The following MYO6 variants were observed in gnomAD, a reference collection of about 807,000 sequenced individuals.
MYO6 encodes unconventional myosin-VI.
Under a neutral mutation model 178.7 loss-of-function variants are expected in MYO6, and 74 were observed. That is an observed-to-expected ratio of 0.41 (90% CI 0.34 to 0.50). The LOEUF is 0.50. MYO6 is among the 20% of genes least tolerant of loss of function. MYO6 has a pLI of 0.09. For missense variants in MYO6, 1,330 were observed against 1,547.4 expected, an observed-to-expected ratio of 0.86 and a Z score of 2.36; for synonymous variants, 477 against 504.6, an observed-to-expected ratio of 0.95 and a Z score of 0.73.
Position 75,801,698 on chromosome 6 carries a change from T to C in MYO6, c.-47-15803T>C, listed in dbSNP as rs145341078. Among the ~76,000 whole-genome samples, 5 of 152,274 alleles carry C rather than the reference T, an allele frequency of 3.3e-5. 1 individual carries two copies. The highest frequency in any genetic ancestry group is 7.2e-5 in the African/African-American group (3 of 41,558). On this transcript the variant is annotated intron_variant, in intron 1 of 34. Transcript: ENST00000369977. ...GCTCATGCCTGTAATCCCAGCACTT[T>C]GGGAGGCCAAGGCGGGTGGATCACC...
chr6:75,791,546 T>G (rs2150086820), intron 1 of MYO6, among the ~76,000 whole-genome samples: 1 of 152,314 alleles, frequency 6.6e-6, no homozygotes, highest in Non-Finnish European at 1.5e-5. Context: ...ACTTAAATGA[T>G]AAAACAAAGA....
chr6:75,909,938 A>G (rs1217139152), intron 32 of MYO6, among the ~76,000 whole-genome samples: 1 of 152,176 alleles, frequency 6.6e-6, no homozygotes, highest in Non-Finnish European at 1.5e-5. Context: ...AGTTGTTGCA[A>G]AGAATAGATT....
chr6:75,787,223 C>T (rs1651909617), intron 1 of MYO6, among the ~76,000 whole-genome samples: 1 of 152,174 alleles, frequency 6.6e-6, no homozygotes, highest in Admixed American at 6.5e-5. Flanking sequence ...TGTTGCTTAC[C>T]ATACTGCTGG....
At chr6:75,797,455 C>T (rs1270457935) in intron 1 of MYO6, among the ~76,000 whole-genome samples, 6 of 152,110 alleles carry the variant, frequency 3.9e-5, no homozygotes, top group South Asian at 4.1e-4. Flanking sequence ...TTTGGTAGAA[C>T]GATTTATTTT....
At position 75,914,247 on chromosome 6, in the gene MYO6, C is replaced by G; in HGVS notation, c.3624C>G (p.Leu1208=). The change falls in exon 34 of 35, where the codon CTC becomes CTG. Residue 1208 remains leucine (L), a synonymous_variant. Coordinates refer to ENST00000369977, the MANE Select transcript of MYO6 (RefSeq NM_004999.4). ...DGPWIARQME[L]HPDKPPILLV... is the part of the protein sequence containing the mutation. ...CATGGATTGCCCGGCAAATGGAACT[C>G]CATCCTGACAAGCCACCCATCCTAC... is the stretch of plus-strand genomic sequence containing the variant. 1 of 1,614,166 alleles carries G rather than the reference C, an allele frequency of 6.2e-7. No homozygotes were observed. The highest frequency in any genetic ancestry group is 8.5e-7 in the Non-Finnish European group (1 of 1,180,020).
intron 1 of MYO6, among the ~76,000 whole-genome samples, chr6:75,801,809 C>T (rs1443665600): frequency 6.6e-6 from 1 of 151,862 alleles, no homozygotes; most frequent in East Asian, 1.9e-4. Flanking sequence ...GGTGTGGTGG[C>T]AGGCGCCTGT....
chr6:75,857,076 T>C (rs1775781783), intron 12 of MYO6, 21 bp from the exon 13 acceptor site: 1 of 1,613,148 alleles, frequency 6.2e-7, no homozygotes, highest in Admixed American at 1.7e-5. Context: ...GAATTTTTAC[T>C]AGCATAGTTT....
chr6:75,902,137 T>C (rs57920948), intron 30 of MYO6, among the ~76,000 whole-genome samples: 34,722 of 152,150 alleles, frequency 0.23, 5,166 homozygotes, highest in Middle Eastern at 0.39. Flanking sequence ...CAGTATTTTA[T>C]TGAGGATTTT....
At chr6:75,913,989 G>GT in intron 33 of MYO6, 74 bp from the exon 34 acceptor site, 2 of 1,316,784 alleles carry the variant, frequency 1.5e-6, no homozygotes, top group Non-Finnish European at 2.1e-6. Flanking sequence ...AATTATTGGG[G>GT]TATATTTTAG....
intron 1 of MYO6, among the ~76,000 whole-genome samples, chr6:75,801,092 G>A (rs140552981): frequency 5.3e-5 from 8 of 152,270 alleles, no homozygotes; most frequent in East Asian, 1.9e-4. Context: ...GTTTAAAGCC[G>A]TAAGACTAGA....
At chr6:75,801,659 G>T (rs1275733832) in intron 1 of MYO6, among the ~76,000 whole-genome samples, 1 of 152,046 alleles carries the variant, frequency 6.6e-6, no homozygotes, top group East Asian at 1.9e-4. Flanking sequence ...ATAATTTGAG[G>T]GCTGGGCACA....
intron 30 of MYO6, among the ~76,000 whole-genome samples, chr6:75,899,088 C>T (rs748413751): frequency 1.6e-4 from 24 of 152,220 alleles, no homozygotes; most frequent in Non-Finnish European, 3.2e-4. Flanking sequence ...ATTTTAGTAA[C>T]TCCAGAGATG....
chr6:75,900,703 A>G (rs1779696105), intron 30 of MYO6, among the ~76,000 whole-genome samples: 1 of 152,076 alleles, frequency 6.6e-6, no homozygotes, highest in Admixed American at 6.6e-5. Flanking sequence ...CTAGGATGGT[A>G]GTTTCTTTTG....
intron 2 of MYO6, among the ~76,000 whole-genome samples, chr6:75,818,738 T>C (rs1388598196): frequency 6.6e-6 from 1 of 152,178 alleles, no homozygotes; most frequent in Non-Finnish European, 1.5e-5. Flanking sequence ...GGGACTGAAA[T>C]GCATAATGTA....
intron 29 of MYO6, among the ~76,000 whole-genome samples, chr6:75,895,689 T>A (rs546483681): frequency 4.0e-4 from 61 of 152,010 alleles, no homozygotes; most frequent in Non-Finnish European, 7.9e-4. Flanking sequence ...AGCTAATTTT[T>A]GTATTTTTAG....
chr6:75,813,594 T>G (rs73751022), intron 1 of MYO6, among the ~76,000 whole-genome samples: 5,606 of 152,016 alleles, frequency 0.037, 212 homozygotes, highest in East Asian at 0.14. Context: ...CCTTTCCTTA[T>G]TCAGAGGCAG....
intron 1 of MYO6, among the ~76,000 whole-genome samples, chr6:75,800,301 A>G (rs78837814): frequency 0.15 from 22,377 of 152,086 alleles, 2,633 homozygotes; most frequent in African/African-American, 0.33. Context: ...GTGTTTCCCA[A>G]CACAATTAAG....
At chr6:75,768,479 C>T (rs1666662196) in intron 1 of MYO6, among the ~76,000 whole-genome samples, 1 of 151,724 alleles carries the variant, frequency 6.6e-6, no homozygotes, top group Non-Finnish European at 1.5e-5. Context: ...TTCCTGGGCT[C>T]ATGTGATTCT....
intron 1 of MYO6, among the ~76,000 whole-genome samples, chr6:75,814,486 T>A (rs865988018): frequency 6.6e-6 from 1 of 152,198 alleles, no homozygotes; most frequent in Non-Finnish European, 1.5e-5. Context: ...AGCCTTCTAT[T>A]AAGCCATCTT....
Sources: allele counts gnomAD v4.1 joint callset (sites outside exome capture counted in the v4.1 genomes callset), GRCh38; gene constraint gnomAD v4.1.1; transcripts MANE v1.5; gene names NCBI Gene and HGNC (gene_info 2026-07-23, HGNC 2026-07-21).